The following ADRA1D variants were observed in gnomAD, a reference collection of about 807,000 sequenced individuals.
ADRA1D encodes the protein adrenoceptor alpha 1D, also known as alpha-1D adrenergic receptor.
ADRA1D carries 22 observed loss-of-function variants against 18.6 expected under a neutral mutation model. The observed-to-expected ratio is 1.19, with a 90% CI of 0.85 to 1.69. The LOEUF is 1.69. Among genes scored for constraint, ADRA1D ranks in the 40% most tolerant of loss-of-function variants. The probability of loss-of-function intolerance (pLI) is 0.00; values close to 1 mark genes in which losing one functional copy is unlikely to be tolerated. For synonymous variants in ADRA1D, 376 were observed against 388.2 expected (o/e 0.97, Z 0.37); for missense variants, 840 against 840.7 (o/e 1.00, Z 0.01).
intron 1 of ADRA1D, among the ~76,000 whole-genome samples, chr20:4,241,245 A>C (rs1316978712): frequency 6.6e-6 from 1 of 152,184 alleles, no homozygotes; most frequent in Non-Finnish European, 1.5e-5. Flanking sequence ...CCAGGGAGAA[A>C]GGGCGCTAGG....
In ADRA1D at chr20:4,248,281, A is replaced by G; in HGVS notation, c.677T>C (p.Val226Ala). The G allele has an allele frequency of 6.2e-7, 1 of 1,608,380 alleles. No homozygotes were observed. The highest frequency in any genetic ancestry group is 8.5e-7 in the Non-Finnish European group (1 of 1,177,736). The change falls in exon 1 of 2, where the codon GTG (valine) becomes GCG (alanine). Residue 226 changes from valine to alanine, a missense_variant. Transcript: ENST00000379453. ...ILALLWVVAL[V>A]VSVGPLLGWK... The stretch of plus-strand genomic sequence containing the variant: ...GCCCAGCAGGGGCCCTACGGACACC[A>G]CCAGGGCTACGACCCAGAGCAGGGC...
intron 1 of ADRA1D, among the ~76,000 whole-genome samples, chr20:4,223,719 A>T (rs1292646020): frequency 6.6e-6 from 1 of 152,244 alleles, no homozygotes; most frequent in Non-Finnish European, 1.5e-5. Flanking sequence ...TATAGTAGTT[A>T]ATAAATTACA....
Position 4,248,085 on chromosome 20 carries a change from G to T in ADRA1D, c.873C>A (p.Gly291=), listed in dbSNP as rs757337109. 8.1e-5 allele frequency: 126 copies of T among 1,552,738 alleles called. No individual in the cohort carries two copies. Among genetic ancestry groups the T allele is most frequent in the Admixed American group, 4.7e-4 (24 of 51,190 alleles). The change falls in exon 1 of 2, where the codon GGC becomes GGA. Residue 291 remains glycine, a synonymous_variant. Transcript: ENST00000379453. ...ARSTTRSLEA[G]VKRERGKASE... ...AGGCCTTGCCTCGCTCGCGCTTGAC[G>T]CCCGCCTCGAGGCTGCGCGTGGTGC...
intron 1 of ADRA1D, among the ~76,000 whole-genome samples, chr20:4,243,103 G>A (rs1981255665): frequency 6.6e-6 from 1 of 152,156 alleles, no homozygotes; most frequent in South Asian, 2.1e-4. Flanking sequence ...CACCCGCAGG[G>A]AGGATGATCT....
chr20:4,224,222 G>A (rs1980739651), intron 1 of ADRA1D, among the ~76,000 whole-genome samples: 1 of 152,156 alleles, frequency 6.6e-6, no homozygotes, highest in African/African-American at 2.4e-5. Context: ...CTGGAATTAA[G>A]CCTCCATAAA....
At chr20:4,224,537 G>A (rs1039897996) in intron 1 of ADRA1D, among the ~76,000 whole-genome samples, 3 of 147,828 alleles carry the variant, frequency 2.0e-5, no homozygotes, top group African/African-American at 7.4e-5. Context: ...GGGCAAGAAA[G>A]CAGGGGGCCA....
At chr20:4,234,662 G>T (rs1313987988) in intron 1 of ADRA1D, among the ~76,000 whole-genome samples, 3 of 152,200 alleles carry the variant, frequency 2.0e-5, no homozygotes, top group Non-Finnish European at 4.4e-5. Context: ...TAACCTTGGA[G>T]CTCAGTAGCA....
chr20:4,240,718 C>T (rs547925884), intron 1 of ADRA1D, among the ~76,000 whole-genome samples: 97 of 152,140 alleles, frequency 6.4e-4, no homozygotes, highest in African/African-American at 2.0e-3. Flanking sequence ...CACTTGAACC[C>T]GGGAGGTGGA....
Position 4,248,771 on chromosome 20 carries a change from C to A in ADRA1D, c.187G>T (p.Glu63Ter). Residue 63 changes from glutamate (E) to a stop codon, truncating the protein, a stop_gained, in exon 1 of 2, where the codon GAG becomes TAG. Coordinates refer to ENST00000379453, the MANE Select transcript of ADRA1D (RefSeq NM_000678.4). LOFTEE classifies it high-confidence loss of function. ...TCCCCCGCGGAGCTCCGGTTGTCCT[C>A]GCCGCTGCCTGCGCCCACCACGCCG... ...GGGVVGAGSG[E>*]DNRSSAGEPG... 1 of 1,339,722 alleles carries A rather than the reference C, an allele frequency of 7.5e-7. No homozygotes were observed. The highest frequency in any genetic ancestry group is 3.5e-5 in the Admixed American group (1 of 28,526). The allele number at this position is 1,339,722 out of a possible 1,614,324, so 83.0% of individuals were successfully genotyped here.
chr20:4,226,342 C>A (rs1336063453), intron 1 of ADRA1D, among the ~76,000 whole-genome samples: 4 of 152,218 alleles, frequency 2.6e-5, no homozygotes, highest in Admixed American at 2.6e-4. Context: ...TGGGCTCTCC[C>A]AGAGCAGACT....
At chr20:4,231,064 T>TTCTTTCTTTCTTTCTTTCTCTCTCTCTC (rs1491147056) in intron 1 of ADRA1D, among the ~76,000 whole-genome samples, 1 of 97,924 alleles carries the variant, frequency 1.0e-5, no homozygotes, top group Non-Finnish European at 2.0e-5. Context: ...CTTTCTTTCT[T>TTCTTTCTTTCTTTCTTTCTCTCTCTCTC]TCTCTCTCTC....
chr20:4,246,948 G>A (rs939324481), intron 1 of ADRA1D, among the ~76,000 whole-genome samples: 1 of 152,174 alleles, frequency 6.6e-6, no homozygotes, highest in Non-Finnish European at 1.5e-5. Flanking sequence ...GAGAAGGCCC[G>A]GCTTGGGCCT....
intron 1 of ADRA1D, among the ~76,000 whole-genome samples, chr20:4,242,483 C>A (rs1030355164): frequency 6.6e-6 from 1 of 152,166 alleles, no homozygotes; most frequent in Non-Finnish European, 1.5e-5. Context: ...TACAGTGCAT[C>A]GTGATAAAAG....
chr20:4,248,510 G>C lies in ADRA1D; in HGVS notation c.448C>G (p.Leu150Val). The C allele has an allele frequency of 1.9e-6, 3 of 1,613,826 alleles. No individual in the cohort carries two copies. Among genetic ancestry groups the C allele is most frequent in the Non-Finnish European group, 2.5e-6 (3 of 1,179,924 alleles). ...VADLLLSATV[L>V]PFSATMEVLG... ...ACCTCCATGGTGGCCGAGAAGGGCA[G>C]TACGGTGGCGCTCAGCAGCAGGTCG... Residue 150 changes from leucine to valine, a missense_variant, in exon 1 of 2, where the codon CTG (leucine) becomes GTG (valine). Transcript: ENST00000379453.
chr20:4,237,727 C>T (rs748651827), intron 1 of ADRA1D, among the ~76,000 whole-genome samples: 4 of 149,446 alleles, frequency 2.7e-5, no homozygotes, highest in Non-Finnish European at 5.9e-5. Flanking sequence ...GGCTCCATCT[C>T]GGCTCACTGC....
Position 4,221,766 on chromosome 20 carries a change from G to A in ADRA1D, c.1476C>T (p.Ser492=). ...CCAGCAGCCTCCACTCGCGGAAGGC[G>A]CTGGGTGGCTTTCGACGGCTGGCGA... ...APVASRRKPP[S]AFREWRLLGP... The change falls in exon 2 of 2, where the codon AGC becomes AGT. Residue 492 remains serine, a synonymous_variant. Transcript: ENST00000379453. 1 of 1,594,634 alleles carries A rather than the reference G, an allele frequency of 6.3e-7. No individual in the cohort carries two copies. The highest frequency in any genetic ancestry group is 8.5e-7 in the Non-Finnish European group (1 of 1,173,918).
At chr20:4,224,064 G>C (rs1980736460) in intron 1 of ADRA1D, among the ~76,000 whole-genome samples, 1 of 152,148 alleles carries the variant, frequency 6.6e-6, no homozygotes, top group South Asian at 2.1e-4. Flanking sequence ...AAAATACCAA[G>C]TTTGGGTCCT....
chr20:4,226,867 C>A (rs987817922), intron 1 of ADRA1D, among the ~76,000 whole-genome samples: 26 of 152,340 alleles, frequency 1.7e-4, no homozygotes, highest in Admixed American at 6.5e-4. Context: ...GAGACTTCTC[C>A]TGTTCCGCTC....
intron 1 of ADRA1D, among the ~76,000 whole-genome samples, chr20:4,230,184 G>A (rs1439526958): frequency 6.6e-6 from 1 of 152,128 alleles, no homozygotes; most frequent in African/African-American, 2.4e-5. Flanking sequence ...AGCTTGCTCT[G>A]TTATGCCTCA....
Sources: gnomAD v4.1 joint callset for allele counts (sites outside exome capture counted in the v4.1 genomes callset) on GRCh38, gnomAD v4.1.1 for gene constraint, MANE v1.5 for transcripts, NCBI Gene and HGNC (gene_info 2026-07-23, HGNC 2026-07-21) for gene names.